The following COL22A1 variants were observed in gnomAD, a reference collection of about 807,000 sequenced individuals.
COL22A1 encodes the protein collagen alpha-1(XXII) chain.
In COL22A1, 221 loss-of-function variants were observed where a neutral mutation model predicts 248.9. The observed-to-expected ratio is 0.89, with a 90% CI of 0.80 to 0.99. The LOEUF (loss-of-function observed/expected upper bound fraction) is 0.99. Ranked by LOEUF, COL22A1 falls within the 50% of genes least tolerant of loss-of-function variation. The probability of loss-of-function intolerance (pLI) is 0.00; values close to 1 mark genes in which losing one functional copy is unlikely to be tolerated. For missense variants in COL22A1, 2,240 were observed against 2,179.0 expected, an observed-to-expected ratio of 1.03 and a Z score of -0.56; for synonymous variants, 891 against 793.4, an observed-to-expected ratio of 1.12 and a Z score of -2.07.
intron 21 of COL22A1, among the ~76,000 whole-genome samples, chr8:138,752,869 C>G (rs1832714416): frequency 6.6e-6 from 1 of 152,200 alleles, no homozygotes; most frequent in African/African-American, 2.4e-5. Context: ...CTGCAGAAGG[C>G]CCCGAGCTAG....
intron 3 of COL22A1, 25 bp downstream of exon 3, chr8:138,877,725 C>G: frequency 1.3e-6 from 2 of 1,546,318 alleles, no homozygotes; most frequent in South Asian, 2.5e-5. Context: ...TTGGGAGGGG[C>G]CGCATGGGGC....
chr8:138,634,874 A>C, intron 49 of COL22A1, 136 bp downstream of exon 49: 2 of 706,366 alleles, frequency 2.8e-6, no homozygotes, highest in Admixed American at 5.9e-5. Flanking sequence ...TTTTTAGGAC[A>C]ACTCTGTCAC....
At chr8:138,660,910 AC>A (rs1249326646) in intron 43 of COL22A1, among the ~76,000 whole-genome samples, 20 of 145,228 alleles carry the variant, frequency 1.4e-4, no homozygotes, top group South Asian at 6.8e-4. Context: ...ACACACACAT[AC>A]ACAGACACAC....
intron 1 of COL22A1, among the ~76,000 whole-genome samples, chr8:138,903,792 TCCC>T (rs1322229001): frequency 2.6e-5 from 4 of 152,032 alleles, no homozygotes; most frequent in Non-Finnish European, 4.4e-5. Flanking sequence ...GGGCCCCACA[TCCC>T]CCTGGATGCT....
intron 3 of COL22A1, among the ~76,000 whole-genome samples, chr8:138,877,504 G>T (rs1333026011): frequency 6.6e-6 from 1 of 152,102 alleles, no homozygotes; most frequent in Non-Finnish European, 1.5e-5. Context: ...CTCTGCCCGC[G>T]ACCTCTGCCT....
intron 4 of COL22A1, among the ~76,000 whole-genome samples, chr8:138,843,704 A>G (rs1821043146): frequency 6.6e-6 from 1 of 152,174 alleles, no homozygotes; most frequent in African/African-American, 2.4e-5. Context: ...ATTCACTCAT[A>G]TATTTATAAC....
intron 47 of COL22A1, among the ~76,000 whole-genome samples, chr8:138,642,183 G>A (rs1275156189): frequency 2.0e-5 from 3 of 152,166 alleles, no homozygotes; most frequent in African/African-American, 7.2e-5. Flanking sequence ...TTACTAAGGA[G>A]TATGACAAGA....
chr8:138,770,688 A>C (rs1187589959), intron 16 of COL22A1, among the ~76,000 whole-genome samples: 2 of 152,154 alleles, frequency 1.3e-5, no homozygotes, highest in African/African-American at 2.4e-5. Flanking sequence ...GTAAGCACCC[A>C]CCAATACGAG....
At chr8:138,742,049 AT>A (rs1831620579) in intron 22 of COL22A1, among the ~76,000 whole-genome samples, 1 of 148,946 alleles carries the variant, frequency 6.7e-6, no homozygotes, top group Non-Finnish European at 1.5e-5. Flanking sequence ...GTTGATGGTG[AT>A]GGTGATGGTA....
At chr8:138,612,870 A>G (rs1326614496) in intron 56 of COL22A1, among the ~76,000 whole-genome samples, 2 of 140,338 alleles carry the variant, frequency 1.4e-5, no homozygotes, top group African/African-American at 5.4e-5. Context: ...CAGGAGGCAG[A>G]GGTTGCAATG....
chr8:138,874,106 T>C (rs1278841612), intron 3 of COL22A1, among the ~76,000 whole-genome samples: 1 of 152,222 alleles, frequency 6.6e-6, no homozygotes, highest in Non-Finnish European at 1.5e-5. Context: ...TTTTATTTTG[T>C]TTTGCTTTGT....
chr8:138,862,166 C>T (rs1040212157), intron 3 of COL22A1, among the ~76,000 whole-genome samples: 13 of 152,052 alleles, frequency 8.5e-5, no homozygotes, highest in Middle Eastern at 3.4e-3. Context: ...TGCAGTGAGC[C>T]GAGATAGCAC....
chr8:138,622,487 A>T (rs1587697053), intron 52 of COL22A1, among the ~76,000 whole-genome samples: 1 of 152,216 alleles, frequency 6.6e-6, no homozygotes, highest in South Asian at 2.1e-4. Flanking sequence ...ATTTAATTTT[A>T]TCAGTAAGTA....
chr8:138,619,431 T>C (rs1214096907), intron 53 of COL22A1, 24 bp downstream of exon 53: 1 of 1,611,772 alleles, frequency 6.2e-7, no homozygotes, highest in East Asian at 2.2e-5. Context: ...GTTCTACCGT[T>C]CCCCACACAC....
At chr8:138,828,407 G>T (rs966088734) in intron 5 of COL22A1, among the ~76,000 whole-genome samples, 5 of 152,016 alleles carry the variant, frequency 3.3e-5, no homozygotes. Flanking sequence ...TCGCTGGGGG[G>T]TGGGGGTGAA....
chr8:138,722,328 T>A (rs755671764), intron 25 of COL22A1: 3 of 539,428 alleles, frequency 5.6e-6, no homozygotes, highest in African/African-American at 2.0e-5. Context: ...TTCAGTACAC[T>A]GGCCATGCAT....
intron 1 of COL22A1, among the ~76,000 whole-genome samples, chr8:138,898,174 G>A (rs1814266734): frequency 6.6e-6 from 1 of 152,152 alleles, no homozygotes; most frequent in South Asian, 2.1e-4. Context: ...GACACATTCA[G>A]TCTACAGCAG....
At chr8:138,814,562 C>A (rs892015002) in intron 7 of COL22A1, among the ~76,000 whole-genome samples, 1 of 152,204 alleles carries the variant, frequency 6.6e-6, no homozygotes, top group Non-Finnish European at 1.5e-5. Flanking sequence ...TAGCAAGGAA[C>A]TGAGGTCCTC....
intron 64 of COL22A1, among the ~76,000 whole-genome samples, chr8:138,590,046 G>A (rs1587610511): frequency 6.6e-6 from 1 of 151,972 alleles, no homozygotes; most frequent in East Asian, 1.9e-4. Flanking sequence ...GTCCAAAATT[G>A]AGACCCAGAA....
Sources: allele counts gnomAD v4.1 joint callset (sites outside exome capture counted in the v4.1 genomes callset), GRCh38; gene constraint gnomAD v4.1.1; transcripts MANE v1.5; gene names NCBI Gene and HGNC (gene_info 2026-07-23, HGNC 2026-07-21).